Variants in ECPAS observed in about 807,000 individuals in gnomAD.
ECPAS encodes proteasome adapter and scaffold protein ECM29.
ECPAS carries 70 observed loss-of-function variants against 255.1 expected under a neutral mutation model. The ratio of observed to expected loss-of-function variants is 0.27; its 90% confidence interval spans 0.23 to 0.33. The LOEUF (loss-of-function observed/expected upper bound fraction) is 0.33, where lower values mean the gene tolerates loss of function less well. Ranked by LOEUF, ECPAS falls within the 10% of genes least tolerant of loss-of-function variation. The probability of loss-of-function intolerance (pLI) is 1.00; values close to 1 mark genes in which losing one functional copy is unlikely to be tolerated. For synonymous variants in ECPAS, 784 were observed against 775.0 expected (o/e 1.01, Z -0.19); for missense variants, 1,817 against 2,206.4 (o/e 0.82, Z 3.54).
At chr9:111,394,958 A>T (rs1044976701) in intron 25 of ECPAS, among the ~76,000 whole-genome samples, 1 of 152,196 alleles carries the variant, frequency 6.6e-6, no homozygotes, top group Non-Finnish European at 1.5e-5. Context: ...GCCCACTCCA[A>T]ATCAGCCTTT....
At chr9:111,373,920 C>A in intron 39 of ECPAS, 52 bp downstream of exon 39, 1 of 1,378,438 alleles carries the variant, frequency 7.3e-7, no homozygotes, top group African/African-American at 1.4e-5. Context: ...AACTCTGTCA[C>A]ACAAGACAGG....
chr9:111,435,878 CAG>C (rs2131870245), intron 7 of ECPAS, among the ~76,000 whole-genome samples: 1 of 127,002 alleles, frequency 7.9e-6, no homozygotes, highest in East Asian at 2.3e-4. Context: ...TAAGAAGAAA[CAG>C]GGTTTCACCA....
chr9:111,453,035 G>A (rs2098262367), intron 2 of ECPAS, among the ~76,000 whole-genome samples: 1 of 151,884 alleles, frequency 6.6e-6, no homozygotes. Context: ...CTTGAGGCCA[G>A]GAGTTCAAGA....
intron 6 of ECPAS, among the ~76,000 whole-genome samples, chr9:111,437,724 C>T (rs2098240200): frequency 6.6e-6 from 1 of 152,180 alleles, no homozygotes; most frequent in Non-Finnish European, 1.5e-5. Context: ...TTTCCCATTA[C>T]ATGTTCAAAG....
At chr9:111,375,290 T>C in intron 37 of ECPAS, 88 bp from the exon 38 acceptor site, 1 of 885,894 alleles carries the variant, frequency 1.1e-6, no homozygotes, top group Non-Finnish European at 1.9e-6. Flanking sequence ...GTCAAACGTG[T>C]ACCAACTGGA....
chr9:111,480,934 G>A lies in ECPAS; in HGVS notation c.-83+3182C>T, dbSNP rs186919016. Among the ~76,000 whole-genome samples the A allele has an allele frequency of 2.0e-5, 3 of 152,326 alleles. No individual in the cohort carries two copies. The East Asian group carries it at 5.8e-4, about 29-fold the overall frequency. ...TGAATGTATGGAAGCACACTGCATA[G>A]ACACAAATACTTCAGCCACTTCAGA... On this transcript the variant is annotated intron_variant, in intron 1 of 49. Coordinates refer to ENST00000684092, the MANE Select transcript of ECPAS (RefSeq NM_001364929.1).
At chr9:111,407,403 GAA>G (rs1161790026) in intron 24 of ECPAS, among the ~76,000 whole-genome samples, 757 of 11,976 alleles carry the variant, frequency 0.063, 7 homozygotes, top group Non-Finnish European at 0.095. Flanking sequence ...CTCCATCTCA[GAA>G]AAAAAAAAAA....
At chr9:111,437,268 T>C (rs1383033778) in intron 6 of ECPAS, among the ~76,000 whole-genome samples, 160 bp from the exon 7 acceptor site, 1 of 152,192 alleles carries the variant, frequency 6.6e-6, no homozygotes, top group East Asian at 1.9e-4. Context: ...TTTTAAGGTA[T>C]CTAAAAAAGA....
chr9:111,443,282 G>A (rs10980898), intron 4 of ECPAS, among the ~76,000 whole-genome samples: 38,024 of 151,948 alleles, frequency 0.25, 5,416 homozygotes, highest in African/African-American at 0.38. Flanking sequence ...ACAGAGTCTC[G>A]CTCTGTCACC....
At chr9:111,413,767 A>G in intron 20 of ECPAS, 128 bp downstream of exon 20, 1 of 496,052 alleles carries the variant, frequency 2.0e-6, no homozygotes, top group Non-Finnish European at 3.5e-6. Flanking sequence ...GTGTCTGATG[A>G]TAAGAGAGTT....
rs373798517 is a variant in ECPAS, at chr9:111,383,234, G to A, written c.3780C>T (p.Thr1260=). The change falls in exon 35 of 50, where the codon ACC becomes ACT. Residue 1260 remains threonine (T), a synonymous_variant. Transcript: ENST00000684092. ...PCLLDKGMMS[T]VTEVRALSIN... ...ACCTGAGGGCTCGAACTTCCGTCAC[G>A]GTGCTCATCATTCCTTTGTCCAGAA... 5.5e-5 allele frequency: 88 copies of A among 1,613,620 alleles called. No individual in the cohort carries two copies. Among genetic ancestry groups the A allele is most frequent in the Non-Finnish European group, 6.9e-5 (81 of 1,179,822 alleles).
At chr9:111,421,619 C>T (rs1238473716) in intron 15 of ECPAS, among the ~76,000 whole-genome samples, 1 of 152,050 alleles carries the variant, frequency 6.6e-6, no homozygotes, top group Non-Finnish European at 1.5e-5. Context: ...TCAAACTCTA[C>T]CCCAGCGGAC....
intron 25 of ECPAS, among the ~76,000 whole-genome samples, chr9:111,395,830 T>A (rs1326805895): frequency 6.6e-6 from 1 of 152,194 alleles, no homozygotes; most frequent in East Asian, 1.9e-4. Context: ...TTGCTTCCCT[T>A]CCTTACCTCC....
intron 47 of ECPAS, 79 bp from the exon 48 acceptor site, chr9:111,366,406 G>A: frequency 7.7e-7 from 1 of 1,293,882 alleles, no homozygotes; most frequent in African/African-American, 1.5e-5. Flanking sequence ...ATTTCTATCT[G>A]TATGTATCAC....
At chr9:111,481,065 GA>G (rs1381100725) in intron 1 of ECPAS, among the ~76,000 whole-genome samples, 1 of 151,824 alleles carries the variant, frequency 6.6e-6, no homozygotes, top group Non-Finnish European at 1.5e-5. Flanking sequence ...CATAGCAATT[GA>G]AAAAAAATCA....
At chr9:111,448,754 G>A (rs1036920075) in intron 3 of ECPAS, among the ~76,000 whole-genome samples, 66 of 152,270 alleles carry the variant, frequency 4.3e-4, no homozygotes, top group Middle Eastern at 3.4e-3. Context: ...TATGGTCTCT[G>A]ACCAGAATGC....
chr9:111,418,335 A>G (rs963510001), intron 16 of ECPAS, among the ~76,000 whole-genome samples: 1 of 152,226 alleles, frequency 6.6e-6, no homozygotes, highest in Non-Finnish European at 1.5e-5. Context: ...CAACTATAAT[A>G]CATATTTTAG....
chr9:111,401,834 C>T (rs1314757923), intron 24 of ECPAS, among the ~76,000 whole-genome samples: 1 of 152,224 alleles, frequency 6.6e-6, no homozygotes, highest in African/African-American at 2.4e-5. Flanking sequence ...CTCTATTCTG[C>T]CCGACCCTGC....
At chr9:111,456,100 G>A (rs1484620379) in intron 2 of ECPAS, among the ~76,000 whole-genome samples, 2 of 152,118 alleles carry the variant, frequency 1.3e-5, no homozygotes, top group Non-Finnish European at 2.9e-5. Flanking sequence ...AGGGATGTAG[G>A]AAACAAGTCT....
Sources: gnomAD v4.1 joint callset for allele counts (sites outside exome capture counted in the v4.1 genomes callset) on GRCh38, gnomAD v4.1.1 for gene constraint, MANE v1.5 for transcripts, NCBI Gene and HGNC (gene_info 2026-07-23, HGNC 2026-07-21) for gene names.